The following SMARCC1 variants were observed in gnomAD, a reference collection of about 807,000 sequenced individuals.
SMARCC1 encodes the protein SWI/SNF complex subunit SMARCC1.
SMARCC1 carries 43 observed loss-of-function variants against 147.4 expected under a neutral mutation model. That is an observed-to-expected ratio of 0.29 (90% CI 0.23 to 0.38). The LOEUF is 0.38. Among genes scored for constraint, SMARCC1 ranks in the 10% least tolerant of loss-of-function variants. SMARCC1 has a pLI of 1.00. For synonymous variants in SMARCC1, 495 were observed against 484.4 expected, an observed-to-expected ratio of 1.02 and a Z score of -0.29; for missense variants, 1,119 against 1,381.1, an observed-to-expected ratio of 0.81 and a Z score of 3.01.
intron 2 of SMARCC1, among the ~76,000 whole-genome samples, chr3:47,751,757 A>G (rs1246310606): frequency 6.6e-6 from 1 of 152,084 alleles, no homozygotes; most frequent in East Asian, 1.9e-4. Context: ...TGAACCTATC[A>G]AAGGTACTAG....
chr3:47,723,366 T>G (rs1359565213), intron 6 of SMARCC1, among the ~76,000 whole-genome samples: 2 of 144,546 alleles, frequency 1.4e-5, no homozygotes, highest in East Asian at 2.0e-4. Flanking sequence ...TTTTTTTTTT[T>G]TTTTTTTTTT....
chr3:47,768,935 A>G (rs780138269), intron 2 of SMARCC1, among the ~76,000 whole-genome samples: 10 of 152,078 alleles, frequency 6.6e-5, no homozygotes, highest in Non-Finnish European at 1.2e-4. Context: ...GCTAGCTGGG[A>G]GCGGTGGCTC....
At chr3:47,671,984 CCT>C (rs1199203668) in intron 18 of SMARCC1, among the ~76,000 whole-genome samples, 5 of 151,916 alleles carry the variant, frequency 3.3e-5, no homozygotes, top group Non-Finnish European at 7.4e-5. Context: ...AAAATTAAAC[CCT>C]GATTTGCTAC....
At position 47,659,372 on chromosome 3, in the gene SMARCC1, A is replaced by G. The variant is rs546811820; in HGVS notation, c.2320+1922T>C. Reference sequence around the variant, plus strand: ...TACCAAAACTAGATAAAGATATCATAGGAAAAGAAAACTATAAACAATATA... The same window carrying G: ...TACCAAAACTAGATAAAGATATCATGGGAAAAGAAAACTATAAACAATATA... On this transcript the variant is annotated intron_variant, in intron 21 of 27. Transcript: ENST00000254480. Among the ~76,000 whole-genome samples, 4 of 152,072 alleles carry G rather than the reference A, an allele frequency of 2.6e-5. No individual in the cohort carries two copies. In the East Asian group the frequency reaches 5.8e-4, roughly 22 times the overall value.
chr3:47,725,142 C>T (rs1031485262), intron 6 of SMARCC1, among the ~76,000 whole-genome samples: 53 of 149,566 alleles, frequency 3.5e-4, no homozygotes, highest in Middle Eastern at 3.5e-3. Flanking sequence ...GTGTTTTTTA[C>T]CACAATAAAA....
chr3:47,735,366 A>G (rs1200665629), intron 5 of SMARCC1, among the ~76,000 whole-genome samples: 1 of 152,190 alleles, frequency 6.6e-6, no homozygotes, highest in African/African-American at 2.4e-5. Context: ...GAACTCAAAA[A>G]GAGGCCAGGT....
chr3:47,769,531 A>C (rs2034883157), intron 2 of SMARCC1, among the ~76,000 whole-genome samples: 1 of 151,896 alleles, frequency 6.6e-6, no homozygotes, highest in African/African-American at 2.4e-5. Flanking sequence ...TCCGCCAACC[A>C]TAACACTTTT....
intron 2 of SMARCC1, among the ~76,000 whole-genome samples, chr3:47,756,989 G>A (rs756712865): frequency 1.3e-5 from 2 of 152,074 alleles, no homozygotes; most frequent in Non-Finnish European, 2.9e-5. Flanking sequence ...GGTGACTCAC[G>A]CCTGTAATCC....
chr3:47,616,602 C>A (rs1043614818), intron 25 of SMARCC1, among the ~76,000 whole-genome samples: 1 of 151,922 alleles, frequency 6.6e-6, no homozygotes, highest in Admixed American at 6.6e-5. Context: ...CCCACCATCA[C>A]GCCCAGCTAA....
In SMARCC1 at chr3:47,693,221, T is replaced by C; in HGVS notation, c.1225+20A>G. 7.2e-7 allele frequency: 1 copy of C among 1,388,778 alleles called. No individual in the cohort carries two copies. Among genetic ancestry groups the C allele is most frequent in the Non-Finnish European group, 1.0e-6 (1 of 975,814 alleles). The allele number at this position is 1,388,778 out of a possible 1,614,324, so 86.0% of individuals were successfully genotyped here. On this transcript the variant is annotated intron_variant, in intron 12 of 27. Coordinates refer to ENST00000254480, the MANE Select transcript of SMARCC1 (RefSeq NM_003074.4). ...TCAAGACAGAAAGCACAGACCAGTG[T>C]ATAGATTTTAGGTGCTTACCTAGAT...
At chr3:47,647,026 A>G (rs1362431879) in intron 21 of SMARCC1, among the ~76,000 whole-genome samples, 2 of 152,226 alleles carry the variant, frequency 1.3e-5, no homozygotes, top group Non-Finnish European at 2.9e-5. Context: ...TATTTTCATA[A>G]TAACACTAAG....
rs1487009441 is a variant in SMARCC1 at position 47,781,467 on chromosome 3, G to GT, written c.195+135dup. 1.6e-5 allele frequency: 8 copies of GT among 503,392 alleles called. No homozygotes were observed. In the East Asian group the frequency reaches 3.3e-4, roughly 21 times the overall value. The allele number at this position is 503,392 out of a possible 1,614,324, so 31.2% of individuals were successfully genotyped here. On this transcript the variant is annotated intron_variant, in intron 1 of 27. Coordinates refer to ENST00000254480, the MANE Select transcript of SMARCC1 (RefSeq NM_003074.4). ...GGCGCCCAGAGCGGGCGGCGGGGGC[G>GT]TGGCGGGCCCGGCGCCTGCCTTTGT...
chr3:47,743,403 T>C (rs761449627), intron 3 of SMARCC1, among the ~76,000 whole-genome samples: 8 of 152,218 alleles, frequency 5.3e-5, no homozygotes, highest in Non-Finnish European at 1.0e-4. Flanking sequence ...TTAGTCCCAC[T>C]TTTAATTTTA....
At chr3:47,697,962 C>T (rs1039659194) in intron 11 of SMARCC1, among the ~76,000 whole-genome samples, 8 of 128,120 alleles carry the variant, frequency 6.2e-5, no homozygotes, top group Admixed American at 9.0e-5. Flanking sequence ...GAGTCGAGAT[C>T]GCGCCACTGC....
intron 26 of SMARCC1, among the ~76,000 whole-genome samples, chr3:47,604,949 C>T (rs2032447340): frequency 6.6e-6 from 1 of 152,222 alleles, no homozygotes; most frequent in South Asian, 2.1e-4. Context: ...GGTCCACCTG[C>T]CTTGGCTTCC....
chr3:47,684,466 G>C (rs116026478), intron 14 of SMARCC1, among the ~76,000 whole-genome samples: 9,610 of 149,798 alleles, frequency 0.064, 442 homozygotes, highest in Non-Finnish European at 0.096. Flanking sequence ...GGGAGACAGA[G>C]TATTGCTCTT....
At chr3:47,628,054 TA>T (rs1406749886) in intron 24 of SMARCC1, among the ~76,000 whole-genome samples, 2 of 149,510 alleles carry the variant, frequency 1.3e-5, no homozygotes, top group African/African-American at 2.5e-5. Flanking sequence ...CCTATATATA[TA>T]TATATTTTTT....
chr3:47,590,979 T>C, intron 26 of SMARCC1, 142 bp from the exon 27 acceptor site: 8 of 753,822 alleles, frequency 1.1e-5, no homozygotes, highest in Non-Finnish European at 1.2e-5. Context: ...TGTAATAATC[T>C]CTATGTTTAG....
intron 4 of SMARCC1, among the ~76,000 whole-genome samples, chr3:47,737,115 G>A (rs1379667963): frequency 6.6e-6 from 1 of 152,122 alleles, no homozygotes; most frequent in Non-Finnish European, 1.5e-5. Flanking sequence ...AAGGCAGGCC[G>A]GACTCTGTGG....
Sources: allele counts gnomAD v4.1 joint callset (sites outside exome capture counted in the v4.1 genomes callset), GRCh38; gene constraint gnomAD v4.1.1; transcripts MANE v1.5; gene names NCBI Gene and HGNC (gene_info 2026-07-23, HGNC 2026-07-21).